ZC3HAV1: variants seen among roughly 807,000 people sequenced by gnomAD.
ZC3HAV1 encodes zinc finger CCCH-type containing, antiviral 1.
Under a neutral mutation model 86.6 loss-of-function variants are expected in ZC3HAV1, and 41 were observed. That is an observed-to-expected ratio of 0.47 (90% CI 0.37 to 0.61). ZC3HAV1 has a LOEUF of 0.61. ZC3HAV1 is among the 20% of genes least tolerant of loss of function. ZC3HAV1 has a pLI of 0.00. For missense variants in ZC3HAV1, 964 were observed against 1,141.1 expected, an observed-to-expected ratio of 0.84 and a Z score of 2.24; for synonymous variants, 421 against 432.1, an observed-to-expected ratio of 0.97 and a Z score of 0.32.
At chr7:139,080,664 G>A (rs773554198) in intron 3 of ZC3HAV1, among the ~76,000 whole-genome samples, 1 of 152,154 alleles carries the variant, frequency 6.6e-6, no homozygotes. Flanking sequence ...TGACAGTGAG[G>A]ATCAGCTCTA....
rs921701966 is a variant in ZC3HAV1 at position 139,047,461 on chromosome 7, T to A, written c.*133A>T. ...AGATGATTCTAATATGTAGCAAAAT[T>A]TGGGGACCACTGATCTAAGACATTA... On this transcript the variant is annotated 3_prime_UTR_variant, in exon 13 of 13. Transcript: ENST00000242351. 5.4e-6 allele frequency: 7 copies of A among 1,292,504 alleles called. No individual in the cohort carries two copies. The African/African-American group carries it at 9.1e-5, about 17-fold the overall frequency. The allele number at this position is 1,292,504 out of a possible 1,614,324, so 80.1% of individuals were successfully genotyped here. A position where few individuals can be genotyped will look rare whatever the true frequency, so the allele number is the denominator to read the frequency against.
intron 12 of ZC3HAV1, among the ~76,000 whole-genome samples, chr7:139,051,653 G>A (rs771741905): frequency 9.9e-5 from 15 of 152,158 alleles, no homozygotes; most frequent in South Asian, 6.2e-4. Context: ...CCAACTCCTG[G>A]GCTCAAGTGA....
At position 139,077,877 on chromosome 7, in the gene ZC3HAV1, G is replaced by A. The variant is rs117258447; in HGVS notation, c.1573+675C>T. Among the ~76,000 whole-genome samples, 1,449 of 152,264 alleles carry A rather than the reference G, an allele frequency of 9.5e-3. 18 individuals are homozygous for A. The highest frequency in any genetic ancestry group is 0.014 in the Middle Eastern group (4 of 294). ...ATAGAGTGGCCCTACTTGAGACTTGGCTGACTGAAAAGTACACAACCACTC... is the reference window on the plus strand; with the variant it reads ...ATAGAGTGGCCCTACTTGAGACTTGACTGACTGAAAAGTACACAACCACTC... On this transcript the variant is annotated intron_variant, in intron 5 of 12. Transcript: ENST00000242351.
At chr7:139,104,531 T>C (rs1328607303) in intron 1 of ZC3HAV1, among the ~76,000 whole-genome samples, 1 of 148,462 alleles carries the variant, frequency 6.7e-6, no homozygotes, top group African/African-American at 2.5e-5. Flanking sequence ...CTGGGCAACA[T>C]AGTGAAATCC....
chr7:139,072,595 A>G (rs1379676726), intron 7 of ZC3HAV1, among the ~76,000 whole-genome samples: 1 of 152,020 alleles, frequency 6.6e-6, no homozygotes, highest in Non-Finnish European at 1.5e-5. Context: ...CTTTAATCCT[A>G]TGAGTTAAAG....
At chr7:139,053,842 AGACTAGCGCCT>A in intron 11 of ZC3HAV1, 112 bp downstream of exon 11, 3 of 1,298,964 alleles carry the variant, frequency 2.3e-6, no homozygotes, top group African/African-American at 1.5e-5. Flanking sequence ...AAAAAAAAAA[AGACTAGCGCCT>A]AAAGGAACTG....
intron 1 of ZC3HAV1, among the ~76,000 whole-genome samples, chr7:139,106,097 G>A (rs1345827302): frequency 6.6e-6 from 1 of 151,994 alleles, no homozygotes; most frequent in Non-Finnish European, 1.5e-5. Context: ...GACTTCTCTG[G>A]AGGGTCCATC....
chr7:139,047,290 C>T lies in ZC3HAV1; in HGVS notation c.*304G>A, dbSNP rs189403796. On this transcript the variant is annotated 3_prime_UTR_variant, in exon 13 of 13. Coordinates refer to ENST00000242351, the MANE Select transcript of ZC3HAV1 (RefSeq NM_020119.4). ...GTTGCAGTGAGCCGAGATCGCGCCA[C>T]TGCACTCCAGCCTGGACGATGGAGT... 2,075 of 299,384 alleles carry T rather than the reference C, an allele frequency of 6.9e-3. 24 individuals are homozygous for T. The highest frequency in any genetic ancestry group is 0.036 in the Middle Eastern group (33 of 908). 18.5% of individuals were successfully genotyped at this position (299,384 alleles called of 1,614,324 possible).
Position 139,047,242 on chromosome 7 carries a change from T to A in ZC3HAV1, c.*352A>T, listed in dbSNP as rs5022945. The stretch of plus-strand genomic sequence containing the variant: ...TACTCGGGAGGCTGAGGCAGGAGAA[T>A]TGCTTGAACCCGGGAGGCAGAGGTT... On this transcript the variant is annotated 3_prime_UTR_variant, in exon 13 of 13. Transcript: ENST00000242351. 0.47 allele frequency: 119,980 copies of A among 253,442 alleles called. 29,054 individuals are homozygous for A. Among genetic ancestry groups the A allele is most frequent in the Non-Finnish European group, 0.5 (65,687 of 132,644 alleles). The allele number at this position is 253,442 out of a possible 1,614,324, so 15.7% of individuals were successfully genotyped here. A position where few individuals can be genotyped will look rare whatever the true frequency, so the allele number is the denominator to read the frequency against.
chr7:139,072,949 T>A (rs1171689296), intron 7 of ZC3HAV1, among the ~76,000 whole-genome samples: 1 of 152,112 alleles, frequency 6.6e-6, no homozygotes, highest in East Asian at 1.9e-4. Context: ...TCCCCTCTCA[T>A]GGTGAGGAAA....
intron 5 of ZC3HAV1, 144 bp downstream of exon 5, chr7:139,078,408 A>T: frequency 1.6e-6 from 1 of 627,760 alleles, no homozygotes; most frequent in Non-Finnish European, 2.7e-6. Flanking sequence ...GTACTATATG[A>T]TCCCCCAACT....
At chr7:139,079,307 C>G (rs751607886) in intron 4 of ZC3HAV1, 163 bp downstream of exon 4, 7 of 1,539,440 alleles carry the variant, frequency 4.5e-6, no homozygotes, top group Non-Finnish European at 6.1e-6. Context: ...ACTCTGACTT[C>G]CAGTACGTAA....
chr7:139,101,487 C>A (rs1161161617), intron 1 of ZC3HAV1, among the ~76,000 whole-genome samples: 21 of 106,778 alleles, frequency 2.0e-4, no homozygotes, highest in Admixed American at 3.5e-4. Context: ...CGCCTCAGCC[C>A]GGCCACCACC....
chr7:139,092,634 A>G (rs1399314584), intron 1 of ZC3HAV1, among the ~76,000 whole-genome samples: 2 of 152,222 alleles, frequency 1.3e-5, no homozygotes, highest in South Asian at 2.1e-4. Flanking sequence ...GAAGCCAGAT[A>G]GCCTAATGGG....
Position 139,080,026 on chromosome 7 carries a change from G to A in ZC3HAV1, c.915C>T (p.Arg305=), listed in dbSNP as rs755007428. The change falls in exon 4 of 13, where the codon CGC becomes CGT. Residue 305 remains arginine, a synonymous_variant. Transcript: ENST00000242351. The stretch of plus-strand genomic sequence containing the variant: ...TGGACGAGCCTGAGGGAGGCCGAGC[G>A]CGATCCTGACTCCCCAGATACGTGA... ...RKFTYLGSQD[R]ARPPSGSSKA... 2.5e-5 allele frequency: 40 copies of A among 1,614,120 alleles called. No homozygotes were observed. The highest frequency in any genetic ancestry group is 4.5e-5 in the East Asian group (2 of 44,862).
chr7:139,090,884 GGAGCC>G (rs1454087671), intron 1 of ZC3HAV1, among the ~76,000 whole-genome samples: 1 of 152,164 alleles, frequency 6.6e-6, no homozygotes, highest in East Asian at 1.9e-4. Flanking sequence ...CTGTCAACCA[GGAGCC>G]GAGACCTTGA....
At chr7:139,107,522 G>T (rs1330742200) in intron 1 of ZC3HAV1, among the ~76,000 whole-genome samples, 1 of 152,220 alleles carries the variant, frequency 6.6e-6, no homozygotes, top group African/African-American at 2.4e-5. Context: ...TTGCCGACTG[G>T]TCGGACTTGG....
intron 1 of ZC3HAV1, among the ~76,000 whole-genome samples, chr7:139,104,457 T>A (rs1817866326): frequency 6.6e-6 from 1 of 152,090 alleles, no homozygotes; most frequent in African/African-American, 2.4e-5. Context: ...CTCACGCCTG[T>A]AATCCCAGCA....
chr7:139,071,291 A>C (rs1816765790), intron 7 of ZC3HAV1, among the ~76,000 whole-genome samples: 1 of 151,944 alleles, frequency 6.6e-6, no homozygotes, highest in African/African-American at 2.4e-5. Context: ...TAATAGAGAC[A>C]CAGTTTCACC....
Sources: allele counts gnomAD v4.1 joint callset (sites outside exome capture counted in the v4.1 genomes callset), GRCh38; gene constraint gnomAD v4.1.1; transcripts MANE v1.5; gene names NCBI Gene and HGNC (gene_info 2026-07-23, HGNC 2026-07-21).